The following PRKAR1A variants were observed in gnomAD, a reference collection of about 807,000 sequenced individuals.
The protein encoded by PRKAR1A is cAMP-dependent protein kinase type I-alpha regulatory subunit.
Under a neutral mutation model 52.0 loss-of-function variants are expected in PRKAR1A, and 3 were observed. That is an observed-to-expected ratio of 0.06 (90% CI 0.03 to 0.15). The LOEUF (loss-of-function observed/expected upper bound fraction) is 0.15. Among genes scored for constraint, PRKAR1A ranks in the 10% least tolerant of loss-of-function variants. The pLI is 1.00. For missense variants in PRKAR1A, 240 were observed against 477.4 expected (o/e 0.50, Z 4.63); for synonymous variants, 188 against 168.4 (o/e 1.12, Z -0.90).
At chr17:68,450,258 G>T in the PRKAR1A span, among the ~76,000 whole-genome samples, 1 of 152,268 alleles carries the variant, frequency 6.6e-6, no homozygotes, top group Non-Finnish European at 1.5e-5. Context: ...TGAGGACGTG[G>T]TGGGAGAAGG....
chr17:68,540,917 A>G, intron 11 of PRKAR1A: 1 of 1,602,964 alleles, frequency 6.2e-7, no homozygotes, highest in African/African-American at 1.3e-5. Flanking sequence ...GTACGGGTAG[A>G]TCTGTTTCAC....
chr17:68,550,321 A>C (rs2086773665), intron 11 of PRKAR1A, among the ~76,000 whole-genome samples: 2 of 147,580 alleles, frequency 1.4e-5, no homozygotes, highest in South Asian at 4.4e-4. Context: ...TTTTAAGTTG[A>C]TCTAACAACT....
chr17:68,457,466 C>A, the PRKAR1A span: 1 of 1,412,976 alleles, frequency 7.1e-7, no homozygotes, highest in Non-Finnish European at 9.2e-7. Flanking sequence ...CGGCGACAGC[C>A]ACCTCAGCAG....
chr17:68,436,488 G>A, the PRKAR1A span: 3 of 1,612,726 alleles, frequency 1.9e-6, no homozygotes, highest in Non-Finnish European at 2.5e-6. Flanking sequence ...ACCTGGCAAA[G>A]AAGAAACAGA....
At position 68,518,242 on chromosome 17, in the gene PRKAR1A, G is replaced by A. The variant is rs138341473; in HGVS notation, c.177+2666G>A. 5.0e-3 allele frequency among the ~76,000 whole-genome samples: 765 copies of A among 152,320 alleles called. 3 individuals carry two copies. The highest frequency in any genetic ancestry group is 0.017 in the African/African-American group (701 of 41,570). The stretch of plus-strand genomic sequence containing the variant: ...TCTGGAGGATAGTGGCCCTCTTCTC[G>A]TAGTTCCATTAGGCAGTGCTGCAGT... On this transcript the variant is annotated intron_variant, in intron 2 of 10. Coordinates refer to ENST00000589228, the MANE Select transcript of PRKAR1A (RefSeq NM_002734.5).
At chr17:68,468,940 G>A in the PRKAR1A span, among the ~76,000 whole-genome samples, 3,790 of 152,162 alleles carry the variant, frequency 0.025, 64 homozygotes, top group Non-Finnish European at 0.037. Context: ...CCACAGATGG[G>A]GGCTTAAGTC....
the PRKAR1A span, among the ~76,000 whole-genome samples, chr17:68,503,053 CA>C: frequency 1.3e-5 from 2 of 152,064 alleles, no homozygotes; most frequent in Non-Finnish European, 2.9e-5. Flanking sequence ...AAGAAATGGC[CA>C]AAGACCTAAA....
chr17:68,514,937 A>G (rs1189117558), intron 1 of PRKAR1A: 1 of 225,982 alleles, frequency 4.4e-6, no homozygotes, highest in East Asian at 1.2e-4. Flanking sequence ...GAAGTTACGT[A>G]TAGGGAATGT....
chr17:68,415,056 C>G, the PRKAR1A span, among the ~76,000 whole-genome samples: 3 of 151,358 alleles, frequency 2.0e-5, no homozygotes, highest in Non-Finnish European at 4.4e-5. Context: ...TGGTTATTTC[C>G]TTTTGTCTGC....
chr17:68,420,290 G>A, the PRKAR1A span: 1 of 1,614,030 alleles, frequency 6.2e-7, no homozygotes, highest in African/African-American at 1.3e-5. Flanking sequence ...TGTGCCCCTA[G>A]AAAGAGGTGG....
At chr17:68,444,915 C>CTT in the PRKAR1A span, among the ~76,000 whole-genome samples, 202 of 89,066 alleles carry the variant, frequency 2.3e-3, no homozygotes, top group East Asian at 4.7e-3. Context: ...ATCCTGAACA[C>CTT]TTTTTTTTTT....
upstream of PRKAR1A, among the ~76,000 whole-genome samples, chr17:68,508,429 G>A (rs2085224164): frequency 6.6e-6 from 1 of 152,138 alleles, no homozygotes; most frequent in South Asian, 2.1e-4. Flanking sequence ...ATTAACACAG[G>A]AATAGAAAAC....
intron 1 of PRKAR1A, chr17:68,513,111 C>G (rs945959355): frequency 3.5e-5 from 4 of 113,752 alleles, no homozygotes; most frequent in Non-Finnish European, 7.1e-5. Flanking sequence ...CCTTTCACCT[C>G]TCTCCCTTTC....
the PRKAR1A span, among the ~76,000 whole-genome samples, chr17:68,486,506 C>CTTCCTTCCCTCTTTCT: frequency 8.3e-5 from 4 of 48,200 alleles, no homozygotes; most frequent in East Asian, 7.1e-4. Flanking sequence ...TCCTTCCTTC[C>CTTCCTTCCCTCTTTCT]TTCTTTCTTT....
chr17:68,438,937 C>A, the PRKAR1A span, among the ~76,000 whole-genome samples: 1 of 152,094 alleles, frequency 6.6e-6, no homozygotes, highest in Non-Finnish European at 1.5e-5. Context: ...GTTAAAAACA[C>A]GATGAGATAC....
chr17:68,533,289 G>A lies in PRKAR1A; in HGVS notation c.*2840G>A, dbSNP rs907458235. The stretch of plus-strand genomic sequence containing the variant: ...GTATTTCTTCACATCCAGTGAAATT[G>A]GAGATATGTTGTATGTTAGAAGAGC... On this transcript the variant is annotated 3_prime_UTR_variant, in exon 11 of 11. Transcript: ENST00000589228. 8.5e-6 allele frequency: 9 copies of A among 1,063,946 alleles called. No individual in the cohort carries two copies. Among genetic ancestry groups the A allele is most frequent in the African/African-American group, 6.6e-5 (4 of 61,036 alleles). 65.9% of individuals were successfully genotyped at this position (1,063,946 alleles called of 1,614,324 possible).
chr17:68,512,476 C>A lies in PRKAR1A; in HGVS notation c.-79C>A. 6.5e-6 allele frequency: 1 copy of A among 153,866 alleles called. No individual in the cohort carries two copies. The highest frequency in any genetic ancestry group is 1.5e-5 in the Non-Finnish European group (1 of 68,658). 9.5% of individuals were successfully genotyped at this position (153,866 alleles called of 1,614,324 possible). On this transcript the variant is annotated 5_prime_UTR_variant, in exon 1 of 11. Coordinates refer to ENST00000589228, the MANE Select transcript of PRKAR1A (RefSeq NM_002734.5). The stretch of plus-strand genomic sequence containing the variant: ...TCGCAGAGTGGAGCGGGGCTGGGAG[C>A]AAAGCGCTGAGGGAGCTCGGTACGC...
chr17:68,463,561 G>C, the PRKAR1A span, among the ~76,000 whole-genome samples: 245 of 152,316 alleles, frequency 1.6e-3, no homozygotes, highest in African/African-American at 5.6e-3. Context: ...TAGTATCTTA[G>C]ATGGTGATAA....
chr17:68,449,186 T>C, the PRKAR1A span, among the ~76,000 whole-genome samples: 178 of 152,360 alleles, frequency 1.2e-3, 1 homozygote, highest in African/African-American at 4.1e-3. Flanking sequence ...ATTGAATAGA[T>C]AAATCTGCAT....
Sources: gnomAD v4.1 joint callset for allele counts (sites outside exome capture counted in the v4.1 genomes callset) on GRCh38, gnomAD v4.1.1 for gene constraint, MANE v1.5 for transcripts, NCBI Gene and HGNC (gene_info 2026-07-23, HGNC 2026-07-21) for gene names.